Variants in PLEKHA8 observed in about 807,000 individuals in gnomAD.
The protein encoded by PLEKHA8 is pleckstrin homology domain containing A8, also known as pleckstrin homology domain-containing family A member 8.
Under a neutral mutation model 68.2 loss-of-function variants are expected in PLEKHA8, and 36 were observed. The ratio of observed to expected loss-of-function variants is 0.53; its 90% CI spans 0.40 to 0.70. The LOEUF (loss-of-function observed/expected upper bound fraction) is 0.70. Among genes scored for constraint, PLEKHA8 ranks in the 30% least tolerant of loss-of-function variants. PLEKHA8 has a pLI of 0.00. For synonymous variants in PLEKHA8, 211 were observed against 216.1 expected, an observed-to-expected ratio of 0.98 and a Z score of 0.20; for missense variants, 505 against 615.4, an observed-to-expected ratio of 0.82 and a Z score of 1.90.
chr7:30,034,393 G>A (rs1474726557), intron 1 of PLEKHA8, among the ~76,000 whole-genome samples: 1 of 151,996 alleles, frequency 6.6e-6, no homozygotes. Flanking sequence ...CAGGAGTTGG[G>A]GCACCAATCC....
chr7:30,119,264 C>T (rs1359097069), intron 13 of PLEKHA8, among the ~76,000 whole-genome samples: 1 of 152,218 alleles, frequency 6.6e-6, no homozygotes. Context: ...GTATTGACTT[C>T]TTTCCATGTA....
chr7:30,076,979 C>G (rs1342632764), intron 13 of PLEKHA8, among the ~76,000 whole-genome samples: 1 of 152,160 alleles, frequency 6.6e-6, no homozygotes, highest in African/African-American at 2.4e-5. Context: ...GGCAAGGTGG[C>G]TGCCTCCATC....
intron 13 of PLEKHA8, among the ~76,000 whole-genome samples, chr7:30,107,259 A>T (rs1796093502): frequency 6.6e-6 from 1 of 152,098 alleles, no homozygotes; most frequent in African/African-American, 2.4e-5. Context: ...TTACAATTTT[A>T]TTGTAAAACT....
chr7:30,063,463 C>A (rs527791981), intron 12 of PLEKHA8, among the ~76,000 whole-genome samples: 3 of 152,276 alleles, frequency 2.0e-5, no homozygotes, highest in East Asian at 1.9e-4. Context: ...ATAGGAAATT[C>A]TTCTAGCATG....
intron 13 of PLEKHA8, among the ~76,000 whole-genome samples, chr7:30,105,149 T>G (rs527825996): frequency 2.5e-4 from 38 of 151,942 alleles, no homozygotes; most frequent in African/African-American, 9.2e-4. Context: ...TTTCCCAGTA[T>G]GTAAATTATT....
chr7:30,052,944 A>G, intron 7 of PLEKHA8, 78 bp downstream of exon 7: 1 of 1,239,344 alleles, frequency 8.1e-7, no homozygotes, highest in East Asian at 2.6e-5. Flanking sequence ...TATCCATGAT[A>G]GGGATTAACC....
chr7:30,074,550 C>T (rs571703051), intron 13 of PLEKHA8, among the ~76,000 whole-genome samples: 18 of 152,020 alleles, frequency 1.2e-4, no homozygotes, highest in South Asian at 4.1e-4. Context: ...AGCAGAAGTA[C>T]GTAGGAAGCA....
intron 5 of PLEKHA8, 156 bp downstream of exon 5, chr7:30,049,538 C>G (rs1162951234): frequency 5.6e-6 from 5 of 894,012 alleles, no homozygotes; most frequent in African/African-American, 1.7e-5. Flanking sequence ...CCTCAGCACC[C>G]CATATCCAGT....
chr7:30,065,661 G>C lies in PLEKHA8; in HGVS notation c.1300+2919G>C, dbSNP rs140649344. 1.2e-3 allele frequency among the ~76,000 whole-genome samples: 178 copies of C among 152,238 alleles called. 2 individuals are homozygous for C. The highest frequency in any genetic ancestry group is 2.1e-3 in the South Asian group (10 of 4,824). On this transcript the variant is annotated intron_variant, in intron 12 of 13. Transcript: ENST00000449726. ...GTGTGCAATTTATATGCCATATATAGGCAAGTTTGTTGGCTTTTTTAAATT... is the reference window on the plus strand; with the variant it reads ...GTGTGCAATTTATATGCCATATATACGCAAGTTTGTTGGCTTTTTTAAATT...
chr7:30,086,169 G>A (rs961303330), downstream of PLEKHA8, among the ~76,000 whole-genome samples: 1 of 152,154 alleles, frequency 6.6e-6, no homozygotes, highest in African/African-American at 2.4e-5. Flanking sequence ...ATATGTTGAG[G>A]AATCACCACC....
chr7:30,056,808 A>G (rs961674410), intron 9 of PLEKHA8, among the ~76,000 whole-genome samples: 4 of 143,540 alleles, frequency 2.8e-5, no homozygotes, highest in Non-Finnish European at 6.0e-5. Flanking sequence ...TTATGTGTAT[A>G]TATATGTTAT....
intron 12 of PLEKHA8, chr7:30,090,149 G>T: frequency 6.4e-7 from 1 of 1,550,754 alleles, no homozygotes; most frequent in East Asian, 2.4e-5. Flanking sequence ...GCACTATGTT[G>T]TAGGAAATCC....
Position 30,028,648 on chromosome 7 carries a change from G to GGGCCCGGGCGCCA in PLEKHA8, c.-113_-112insCCCGGGCGCCAGG. ...CGTCCCCACACCGGGCCCGGGCGCC[G>GGGCCCGGGCGCCA]GGAGTGGGCGTCTGGGCAGCGCCAG... On this transcript the variant is annotated 5_prime_UTR_variant, in exon 1 of 14. Transcript: ENST00000449726. 1 of 819,472 alleles carries GGGCCCGGGCGCCA rather than the reference G, an allele frequency of 1.2e-6. No individual in the cohort carries two copies. Among genetic ancestry groups the GGGCCCGGGCGCCA allele is most frequent in the East Asian group, 3.4e-5 (1 of 29,478 alleles). The allele number at this position is 819,472 out of a possible 1,614,324, so 50.8% of individuals were successfully genotyped here. A position where few individuals can be genotyped will look rare whatever the true frequency, so the allele number is the denominator to read the frequency against.
chr7:30,079,606 A>T lies in PLEKHA8; in HGVS notation c.*819A>T. ...TTACTCCACTTCAAAAGCAAGGTTT[A>T]GAAGTTGAGGGATCTGTTCACAGTC... On this transcript the variant is annotated 3_prime_UTR_variant, in exon 14 of 14. Transcript: ENST00000449726. 1 of 739,770 alleles carries T rather than the reference A, an allele frequency of 1.4e-6. No individual in the cohort carries two copies. The highest frequency in any genetic ancestry group is 1.7e-6 in the Non-Finnish European group (1 of 606,016). 45.8% of individuals were successfully genotyped at this position (739,770 alleles called of 1,614,324 possible). A position where few individuals can be genotyped will look rare whatever the true frequency, so the allele number is the denominator to read the frequency against.
intron 13 of PLEKHA8, among the ~76,000 whole-genome samples, chr7:30,106,918 G>C (rs1796081404): frequency 6.6e-6 from 1 of 152,200 alleles, no homozygotes; most frequent in Non-Finnish European, 1.5e-5. Context: ...AGCATCTTCA[G>C]ATTTTGATAC....
At chr7:30,039,024 C>T (rs909243999) in intron 1 of PLEKHA8, among the ~76,000 whole-genome samples, 1 of 151,922 alleles carries the variant, frequency 6.6e-6, no homozygotes, top group African/African-American at 2.4e-5. Context: ...TGTTGTTCAA[C>T]ATTAATTGAA....
intron 1 of PLEKHA8, among the ~76,000 whole-genome samples, chr7:30,033,407 G>A (rs1361687427): frequency 6.6e-6 from 1 of 152,130 alleles, no homozygotes; most frequent in East Asian, 1.9e-4. Context: ...GTGGTCTTTT[G>A]TGGCTGGCTG....
At chr7:30,112,393 A>C (rs949921147) in intron 13 of PLEKHA8, among the ~76,000 whole-genome samples, 2 of 152,138 alleles carry the variant, frequency 1.3e-5, no homozygotes, top group Admixed American at 6.5e-5. Context: ...AAAAAAAAAA[A>C]ACCTTAAAAA....
chr7:30,071,786 T>TCACA (rs2127994450), intron 12 of PLEKHA8: 1 of 152,350 alleles, frequency 6.6e-6, no homozygotes, highest in Non-Finnish European at 1.5e-5. Context: ...AAGAAAGGAT[T>TCACA]CACAGTATCT....
Sources: gnomAD v4.1 joint callset for allele counts (sites outside exome capture counted in the v4.1 genomes callset) on GRCh38, gnomAD v4.1.1 for gene constraint, MANE v1.5 for transcripts, NCBI Gene and HGNC (gene_info 2026-07-23, HGNC 2026-07-21) for gene names.